Variants in CTNNA2 observed in about 807,000 individuals in gnomAD.
CTNNA2 encodes the protein catenin alpha-2.
In CTNNA2, 42 loss-of-function variants were observed where a neutral mutation model predicts 101.0. The observed-to-expected ratio is 0.42, with a 90% CI of 0.32 to 0.54. The LOEUF (loss-of-function observed/expected upper bound fraction) is 0.54, where lower values mean the gene tolerates loss of function less well. Among genes scored for constraint, CTNNA2 ranks in the 20% least tolerant of loss-of-function variants. The probability of loss-of-function intolerance (pLI) is 0.14; values close to 1 mark genes in which losing one functional copy is unlikely to be tolerated. For missense variants in CTNNA2, 871 were observed against 1,223.1 expected (o/e 0.71, Z 4.29); for synonymous variants, 450 against 456.4 (o/e 0.99, Z 0.18).
intron 7 of CTNNA2, among the ~76,000 whole-genome samples, chr2:80,021,100 A>G (rs1366086604): frequency 6.8e-6 from 1 of 147,328 alleles, no homozygotes; most frequent in Admixed American, 6.9e-5. Context: ...GCTCACTGCA[A>G]CCTCCACCTC....
intron 18 of CTNNA2, among the ~76,000 whole-genome samples, chr2:80,625,531 T>C (rs968600443): frequency 9.2e-5 from 14 of 152,190 alleles, no homozygotes; most frequent in Admixed American, 7.2e-4. Context: ...GTGTACTCTT[T>C]CTGTCATTTT....
intron 1 of CTNNA2, among the ~76,000 whole-genome samples, chr2:79,579,805 G>A (rs1399052414): frequency 6.6e-6 from 1 of 152,006 alleles, no homozygotes; most frequent in East Asian, 1.9e-4. Flanking sequence ...GTAGAGACGG[G>A]GTTTCTCCAT....
intron 3 of CTNNA2, among the ~76,000 whole-genome samples, chr2:79,328,681 T>C (rs1458715066): frequency 1.3e-5 from 2 of 152,076 alleles, no homozygotes; most frequent in Non-Finnish European, 1.5e-5. Context: ...GTTAGGAAGA[T>C]ATAAAAGGGA....
intron 9 of CTNNA2, among the ~76,000 whole-genome samples, chr2:80,457,266 G>A (rs1431330911): frequency 1.3e-5 from 2 of 152,006 alleles, no homozygotes; most frequent in Non-Finnish European, 2.9e-5. Context: ...ATTTCGCCGT[G>A]TTGGCAAGGC....
chr2:80,639,375 A>G (rs1241063316), intron 18 of CTNNA2, among the ~76,000 whole-genome samples: 2 of 151,986 alleles, frequency 1.3e-5, no homozygotes, highest in African/African-American at 2.4e-5. Context: ...ACGCCAGGCT[A>G]ATTTTTGTAT....
At chr2:79,617,757 T>C (rs1331939298) in intron 1 of CTNNA2, among the ~76,000 whole-genome samples, 1 of 152,164 alleles carries the variant, frequency 6.6e-6, no homozygotes, top group East Asian at 1.9e-4. Context: ...ATGAGAAGCC[T>C]GGAGGAAAGC....
intron 7 of CTNNA2, among the ~76,000 whole-genome samples, chr2:80,025,355 A>G (rs2104141770): frequency 6.6e-6 from 1 of 152,296 alleles, no homozygotes; most frequent in South Asian, 2.1e-4. Flanking sequence ...CAGAGGGATG[A>G]GAGCACCTGC....
intron 8 of CTNNA2, among the ~76,000 whole-genome samples, chr2:80,412,144 AC>A (rs1297731113): frequency 1.3e-5 from 2 of 152,070 alleles, no homozygotes; most frequent in African/African-American, 4.8e-5. Context: ...ACTCCCTGGG[AC>A]CCTGAGGCAG....
intron 2 of CTNNA2, among the ~76,000 whole-genome samples, chr2:79,302,038 A>G (rs140049329): frequency 0.015 from 2,317 of 152,242 alleles, 25 homozygotes; most frequent in Admixed American, 0.023. Context: ...GGTTGCAGTG[A>G]GCCGAGGCTG....
intron 9 of CTNNA2, among the ~76,000 whole-genome samples, chr2:80,500,600 T>C (rs1460828237): frequency 1.3e-5 from 2 of 152,024 alleles, no homozygotes; most frequent in Non-Finnish European, 2.9e-5. Context: ...GATTGGAGAG[T>C]AGTGTGCAGC....
chr2:79,402,273 G>A (rs1458007887), intron 4 of CTNNA2, among the ~76,000 whole-genome samples: 1 of 151,740 alleles, frequency 6.6e-6, no homozygotes, highest in Non-Finnish European at 1.5e-5. Context: ...CAAAGATGTG[G>A]AAAAGTTGAA....
chr2:80,605,706 A>T (rs914804313), intron 16 of CTNNA2: 2 of 152,020 alleles, frequency 1.3e-5, no homozygotes, highest in Non-Finnish European at 2.9e-5. Context: ...TCATGATTTT[A>T]CTATCAGGAT....
At chr2:79,630,874 T>G (rs1679644934) in intron 1 of CTNNA2, among the ~76,000 whole-genome samples, 1 of 152,228 alleles carries the variant, frequency 6.6e-6, no homozygotes, top group African/African-American at 2.4e-5. Context: ...GAGTTTGTGC[T>G]CTAAACTGAG....
At chr2:80,232,389 G>A (rs867663791) in intron 7 of CTNNA2, among the ~76,000 whole-genome samples, 1 of 52,846 alleles carries the variant, frequency 1.9e-5, no homozygotes. Flanking sequence ...TTTTTTTTTT[G>A]TTAACACTAG....
chr2:79,322,188 G>T (rs1676640355), intron 3 of CTNNA2, among the ~76,000 whole-genome samples: 1 of 152,170 alleles, frequency 6.6e-6, no homozygotes, highest in Non-Finnish European at 1.5e-5. Flanking sequence ...GTCTTCAAAG[G>T]AACTAAGATA....
chr2:80,159,362 C>T (rs1312646911), intron 7 of CTNNA2, among the ~76,000 whole-genome samples: 1 of 152,200 alleles, frequency 6.6e-6, no homozygotes, highest in East Asian at 1.9e-4. Context: ...ACATTCTCAT[C>T]ACAATGTATG....
chr2:79,722,702 G>A (rs1013928286), intron 2 of CTNNA2, among the ~76,000 whole-genome samples: 8 of 152,050 alleles, frequency 5.3e-5, no homozygotes, highest in East Asian at 1.9e-4. Flanking sequence ...ACCACTAGAC[G>A]GAATTGCTAC....
chr2:80,573,453 T>G (rs998874376), intron 12 of CTNNA2: 14 of 152,184 alleles, frequency 9.2e-5, no homozygotes, highest in African/African-American at 3.1e-4. Context: ...GTCTTCTCTT[T>G]CCATAGGACA....
At chr2:80,455,479 A>G (rs1409750500) in intron 9 of CTNNA2, among the ~76,000 whole-genome samples, 1 of 152,108 alleles carries the variant, frequency 6.6e-6, no homozygotes, top group African/African-American at 2.4e-5. Flanking sequence ...AGAGGAGAGG[A>G]ATGTGAGACT....
Sources: allele counts gnomAD v4.1 joint callset (sites outside exome capture counted in the v4.1 genomes callset), GRCh38; gene constraint gnomAD v4.1.1; transcripts MANE v1.5; gene names NCBI Gene and HGNC (gene_info 2026-07-23, HGNC 2026-07-21).